RARB: variants seen among roughly 807,000 people sequenced by gnomAD.
The protein encoded by RARB is HBV-activated protein.
A neutral mutation model predicts 51.9 loss-of-function variants in RARB; 17 were observed. The observed-to-expected ratio is 0.33, with a 90% confidence interval of 0.22 to 0.49. The LOEUF is 0.49. Among genes scored for constraint, RARB ranks in the 20% least tolerant of loss-of-function variants. The pLI, the probability that RARB is intolerant of heterozygous loss-of-function variation, is 0.99. For missense variants in RARB, 369 were observed against 550.8 expected (o/e 0.67, Z 3.30); for synonymous variants, 215 against 195.4 (o/e 1.10, Z -0.84).
chr3:25,370,678 G>A (rs893476440), intron 5 of RARB, among the ~76,000 whole-genome samples: 2 of 152,230 alleles, frequency 1.3e-5, no homozygotes, highest in African/African-American at 4.8e-5. Flanking sequence ...AGAGGAGGCA[G>A]AGGCCAATGC....
chr3:25,008,927 T>C (rs527637621), intron 2 of RARB, among the ~76,000 whole-genome samples: 31 of 152,294 alleles, frequency 2.0e-4, no homozygotes, highest in Non-Finnish European at 3.7e-4. Context: ...TGTGGAACTT[T>C]TACTAGTAAC....
At chr3:24,966,994 A>G (rs1207070181) in intron 2 of RARB, among the ~76,000 whole-genome samples, 1 of 152,172 alleles carries the variant, frequency 6.6e-6, no homozygotes, top group East Asian at 1.9e-4. Flanking sequence ...CCAGATGCCC[A>G]TATTCAAAAT....
intron 5 of RARB, among the ~76,000 whole-genome samples, chr3:25,308,367 A>ACT (rs1197644523): frequency 6.6e-6 from 1 of 152,018 alleles, no homozygotes; most frequent in African/African-American, 2.4e-5. Context: ...CATACAGACT[A>ACT]GGATAAATGC....
chr3:25,139,375 C>A (rs537115942), intron 4 of RARB, among the ~76,000 whole-genome samples: 1 of 152,236 alleles, frequency 6.6e-6, no homozygotes, highest in South Asian at 2.1e-4. Context: ...AGTGAGCACA[C>A]TAACAATAAT....
At chr3:25,268,566 A>G (rs968806888) in intron 5 of RARB, among the ~76,000 whole-genome samples, 4 of 152,190 alleles carry the variant, frequency 2.6e-5, no homozygotes, top group African/African-American at 9.6e-5. Flanking sequence ...GGAAGAATTT[A>G]TTAATGTTAG....
intron 5 of RARB, among the ~76,000 whole-genome samples, chr3:25,200,286 T>TG (rs954062288): frequency 2.0e-5 from 3 of 150,914 alleles, no homozygotes; most frequent in Non-Finnish European, 4.4e-5. Context: ...CACTTTCTGG[T>TG]GGGTTTTTTT....
chr3:24,866,896 G>A (rs1431020353), intron 2 of RARB, among the ~76,000 whole-genome samples: 6 of 152,134 alleles, frequency 3.9e-5, no homozygotes, highest in African/African-American at 1.2e-4. Context: ...GGGAGAAAGG[G>A]AGAGTGACTA....
At chr3:25,390,056 C>T (rs938918442) in intron 5 of RARB, among the ~76,000 whole-genome samples, 11 of 152,062 alleles carry the variant, frequency 7.2e-5, no homozygotes, top group Admixed American at 2.6e-4. Context: ...TTATCGAGTG[C>T]TGTTGTCTGA....
chr3:25,217,252 A>C (rs975090289), intron 5 of RARB, among the ~76,000 whole-genome samples: 2 of 152,222 alleles, frequency 1.3e-5, no homozygotes, highest in African/African-American at 2.4e-5. Flanking sequence ...TAATTTTACC[A>C]GTGTTCAAAA....
intron 3 of RARB, among the ~76,000 whole-genome samples, chr3:25,510,256 A>G (rs969825363): frequency 6.6e-6 from 1 of 152,196 alleles, no homozygotes; most frequent in Non-Finnish European, 1.5e-5. Flanking sequence ...TCTCTAAACA[A>G]TGAAGTTCTT....
At chr3:24,986,752 T>C (rs1696801768) in intron 2 of RARB, among the ~76,000 whole-genome samples, 1 of 152,214 alleles carries the variant, frequency 6.6e-6, no homozygotes, top group Admixed American at 6.5e-5. Flanking sequence ...TAAGCAGTAC[T>C]GTAATTTCAC....
chr3:25,167,930 A>G (rs1324261536), intron 4 of RARB, among the ~76,000 whole-genome samples: 1 of 152,224 alleles, frequency 6.6e-6, no homozygotes, highest in Admixed American at 6.5e-5. Context: ...CAAGAGTCCC[A>G]AATAAAAAGC....
intron 5 of RARB, among the ~76,000 whole-genome samples, chr3:25,338,110 C>T (rs1185209454): frequency 8.2e-6 from 1 of 122,382 alleles, no homozygotes; most frequent in Non-Finnish European, 1.8e-5. Context: ...CACACACACA[C>T]ACACACACAC....
chr3:25,102,411 A>T (rs1559466873), intron 3 of RARB, among the ~76,000 whole-genome samples: 1 of 151,896 alleles, frequency 6.6e-6, no homozygotes, highest in African/African-American at 2.4e-5. Flanking sequence ...CATGGTGGCA[A>T]TGCTTGTAAT....
intron 1 of RARB, among the ~76,000 whole-genome samples, chr3:25,436,157 C>T (rs868092338): frequency 9.9e-5 from 15 of 152,150 alleles, no homozygotes; most frequent in South Asian, 4.1e-4. Flanking sequence ...TTCGCTCTTG[C>T]TGCCTGTTTT....
chr3:25,099,699 C>T (rs1699363177), intron 3 of RARB, among the ~76,000 whole-genome samples: 1 of 151,532 alleles, frequency 6.6e-6, no homozygotes, highest in Admixed American at 6.6e-5. Flanking sequence ...GTCAGTCTGT[C>T]CATGGAAGGT....
At chr3:25,339,410 G>A (rs374976206) in intron 5 of RARB, among the ~76,000 whole-genome samples, 2 of 152,082 alleles carry the variant, frequency 1.3e-5, no homozygotes, top group Non-Finnish European at 2.9e-5. Context: ...CCAATTCAAC[G>A]CTTTCTGTAC....
intron 5 of RARB, among the ~76,000 whole-genome samples, chr3:25,219,679 G>T (rs895133015): frequency 2.6e-5 from 4 of 152,232 alleles, no homozygotes; most frequent in African/African-American, 9.6e-5. Context: ...TTAAGCATGT[G>T]CTCACTGTTG....
intron 1 of RARB, among the ~76,000 whole-genome samples, chr3:25,456,554 A>ATTTTTTTTTTT (rs35056259): frequency 2.3e-5 from 1 of 44,122 alleles, no homozygotes; most frequent in Non-Finnish European, 4.0e-5. Context: ...TATACCACTG[A>ATTTTTTTTTTT]TTTTTTTTTT....
Sources: allele counts gnomAD v4.1 joint callset (sites outside exome capture counted in the v4.1 genomes callset), GRCh38; gene constraint gnomAD v4.1.1; transcripts MANE v1.5; gene names NCBI Gene and HGNC (gene_info 2026-07-23, HGNC 2026-07-21).